CEP152: variants seen among roughly 807,000 people sequenced by gnomAD.
CEP152 encodes the protein centrosomal protein 152, also known as centrosomal protein of 152 kDa.
Under a neutral mutation model 188.9 loss-of-function variants are expected in CEP152, and 132 were observed. The observed-to-expected ratio is 0.70, with a 90% confidence interval of 0.61 to 0.81. The LOEUF (loss-of-function observed/expected upper bound fraction) is 0.81. CEP152 is among the 30% of genes least tolerant of loss of function. CEP152 has a pLI of 0.00. For missense variants in CEP152, 1,914 were observed against 1,969.8 expected (o/e 0.97, Z 0.54); for synonymous variants, 649 against 666.6 (o/e 0.97, Z 0.41).
At chr15:48,793,932 A>G (rs1009285587) in intron 6 of CEP152, among the ~76,000 whole-genome samples, 1 of 152,236 alleles carries the variant, frequency 6.6e-6, no homozygotes, top group African/African-American at 2.4e-5. Flanking sequence ...GAAAATTTCT[A>G]GACAGCCTCA....
In CEP152 at chr15:48,767,441, G is replaced by A. The variant is rs199690309; in HGVS notation, c.2041C>T (p.His681Tyr). 254 of 1,614,102 alleles carry A rather than the reference G, an allele frequency of 1.6e-4. No individual in the cohort carries two copies. In the African/African-American group the frequency reaches 3.1e-3, roughly 20 times the overall value. ...VDRCERTYQQ[H>Y]HEAMKTQIRE... ...ATTTGAGTTTTCATGGCTTCATGGT[G>A]CTGCTGATAAGTCCTTTCACACCTG... Residue 681 changes from histidine to tyrosine, a missense_variant, in exon 16 of 27, where the codon CAC becomes TAC. Coordinates refer to ENST00000380950, the MANE Select transcript of CEP152 (RefSeq NM_001194998.2).
chr15:48,739,064 G>A lies in CEP152; in HGVS notation c.4318C>T (p.His1440Tyr), dbSNP rs374524698. 1 of 1,614,034 alleles carries A rather than the reference G, an allele frequency of 6.2e-7. No individual in the cohort carries two copies. Among genetic ancestry groups the A allele is most frequent in the Non-Finnish European group, 8.5e-7 (1 of 1,180,030 alleles). ...CCATCCCCAAACTGGAATTCCAAAT[G>A]TGTCTCTTTGGATCCCACATGCTTT... ...SIKHVGSKET[H>Y]LEFQFGDGSC... Residue 1440 changes from histidine to tyrosine, a missense_variant, in exon 27 of 27, where the codon CAT becomes TAT. Physicochemically the swap from His to Tyr is moderately conservative, Grantham distance 83. Coordinates refer to ENST00000380950, the MANE Select transcript of CEP152 (RefSeq NM_001194998.2).
At chr15:48,780,634 C>T (rs1202638257) in intron 12 of CEP152, among the ~76,000 whole-genome samples, 1 of 152,138 alleles carries the variant, frequency 6.6e-6, no homozygotes, top group Non-Finnish European at 1.5e-5. Flanking sequence ...CTCTCTCTTC[C>T]CTATCCAAAA....
chr15:48,788,259 T>C (rs572798174), intron 9 of CEP152, among the ~76,000 whole-genome samples: 2 of 151,746 alleles, frequency 1.3e-5, no homozygotes, highest in Non-Finnish European at 2.9e-5. Flanking sequence ...CTAATAATCG[T>C]ATAAGAAGTA....
chr15:48,796,289 TACACACAC>T (rs3074978), intron 5 of CEP152, 129 bp from the exon 6 acceptor site: 382 of 547,616 alleles, frequency 7.0e-4, no homozygotes, highest in Admixed American at 1.8e-3. Flanking sequence ...TTTATATATA[TACACACAC>T]ACACACACAC....
chr15:48,748,053 G>A (rs1023840318), intron 22 of CEP152, among the ~76,000 whole-genome samples: 4 of 152,098 alleles, frequency 2.6e-5, no homozygotes, highest in Admixed American at 1.3e-4. Context: ...AGCATTCAAC[G>A]TTTAATTATT....
At chr15:48,804,053 G>T (rs899274492) in intron 2 of CEP152, among the ~76,000 whole-genome samples, 12 of 152,234 alleles carry the variant, frequency 7.9e-5, no homozygotes, top group African/African-American at 2.9e-4. Flanking sequence ...CCCTGGCAGA[G>T]AATTTACCAG....
chr15:48,807,987 A>G (rs1898094697), intron 1 of CEP152, among the ~76,000 whole-genome samples: 1 of 152,156 alleles, frequency 6.6e-6, no homozygotes, highest in Non-Finnish European at 1.5e-5. Context: ...ACATCTAAAA[A>G]TACCTGAAAA....
chr15:48,793,429 G>A lies in CEP152; in HGVS notation c.724C>T (p.Gln242Ter). The A allele has an allele frequency of 6.2e-7, 1 of 1,613,548 alleles. No individual in the cohort carries two copies. Among genetic ancestry groups the A allele is most frequent in the Non-Finnish European group, 8.5e-7 (1 of 1,179,670 alleles). ...SAENMQIIQL[Q>*]VLNKAKERQL... ...CTCTCTTTTGCTTTGTTAAGAACCT[G>A]AAGTTGAATAATCTGCATATTTTCT... Residue 242 changes from glutamine to a stop codon, truncating the protein, a stop_gained, in exon 7 of 27, where the codon CAG (glutamine) becomes TAG (stop). Transcript: ENST00000380950. LOFTEE classifies it high-confidence loss of function.
intron 12 of CEP152, among the ~76,000 whole-genome samples, chr15:48,777,637 A>C (rs920488393): frequency 2.6e-5 from 4 of 152,160 alleles, no homozygotes; most frequent in Admixed American, 2.0e-4. Context: ...TAGTCTGTCT[A>C]TATACATAGA....
At chr15:48,742,572 T>C (rs1182699969) in intron 24 of CEP152, among the ~76,000 whole-genome samples, 1 of 152,186 alleles carries the variant, frequency 6.6e-6, no homozygotes, top group African/African-American at 2.4e-5. Flanking sequence ...TCTAGTGCTC[T>C]GAAAATTTAC....
At chr15:48,801,719 AG>A (rs1897677797) in intron 2 of CEP152, among the ~76,000 whole-genome samples, 1 of 152,230 alleles carries the variant, frequency 6.6e-6, no homozygotes, top group Non-Finnish European at 1.5e-5. Context: ...TGACTGTGAG[AG>A]TCCAAAATGG....
chr15:48,799,267 A>G (rs1385710872), intron 2 of CEP152, among the ~76,000 whole-genome samples: 2 of 152,154 alleles, frequency 1.3e-5, no homozygotes, highest in Non-Finnish European at 2.9e-5. Context: ...TGAGTATTAT[A>G]TTAAGAATTA....
At chr15:48,797,153 C>T (rs1374808280) in intron 5 of CEP152, 148 bp downstream of exon 5, 2 of 835,240 alleles carry the variant, frequency 2.4e-6, no homozygotes, top group African/African-American at 1.7e-5. Context: ...GACTAATTCA[C>T]CATGAACCTG....
downstream of CEP152, among the ~76,000 whole-genome samples, chr15:48,736,640 C>A (rs1169792549): frequency 1.3e-5 from 2 of 152,040 alleles, no homozygotes; most frequent in Non-Finnish European, 2.9e-5. Flanking sequence ...TATACCACAC[C>A]CTATCTCCAA....
chr15:48,768,534 G>A (rs1481763530), intron 14 of CEP152, among the ~76,000 whole-genome samples: 1 of 152,088 alleles, frequency 6.6e-6, no homozygotes, highest in Non-Finnish European at 1.5e-5. Context: ...GTAGTTTTCT[G>A]ACAGGACTAA....
At chr15:48,807,002 A>T (rs1898023294) in intron 1 of CEP152, among the ~76,000 whole-genome samples, 1 of 152,164 alleles carries the variant, frequency 6.6e-6, no homozygotes, top group South Asian at 2.1e-4. Context: ...TTTTTCAAAG[A>T]CTGAGTTATG....
chr15:48,805,710 G>A (rs2140934486), intron 1 of CEP152, 54 bp from the exon 2 acceptor site: 1 of 1,609,172 alleles, frequency 6.2e-7, no homozygotes. Context: ...ATCTCCCCAG[G>A]ACAAACTACA....
At position 48,784,104 on chromosome 15, in the gene CEP152, C is replaced by G. The variant is rs201569877; in HGVS notation, c.1190G>C (p.Arg397Pro). 6.2e-7 allele frequency: 1 copy of G among 1,613,264 alleles called. No homozygotes were observed. The highest frequency in any genetic ancestry group is 8.5e-7 in the Non-Finnish European group (1 of 1,179,622). The change falls in exon 10 of 27, where the codon CGT (arginine) becomes CCT (proline). Residue 397 changes from arginine (R) to proline (P), a missense_variant. By Grantham distance (103) the Arg-to-Pro change is moderately radical. Transcript: ENST00000380950. ...CAGTTGTTTCACGTGATCTTTCAGA[C>G]GAGAGCAAATGTCTTCCTAAATAGA... ...ALKEQEDICS[R>P]LKDHVKQLER...
Sources: gnomAD v4.1 joint callset for allele counts (sites outside exome capture counted in the v4.1 genomes callset) on GRCh38, gnomAD v4.1.1 for gene constraint, MANE v1.5 for transcripts, NCBI Gene and HGNC (gene_info 2026-07-23, HGNC 2026-07-21) for gene names.